Variants in ATRNL1 observed in about 807,000 individuals in gnomAD.
ATRNL1 encodes the protein attractin-like protein 1.
Under a neutral mutation model 182.7 loss-of-function variants are expected in ATRNL1, and 95 were observed. The observed-to-expected ratio is 0.52, with a 90% CI of 0.44 to 0.62. ATRNL1 has a LOEUF of 0.62. Ranked by LOEUF, ATRNL1 falls within the 20% of genes least tolerant of loss-of-function variation. The pLI, the probability that ATRNL1 is intolerant of heterozygous loss-of-function variation, is 0.00. For missense variants in ATRNL1, 1,471 were observed against 1,679.5 expected (o/e 0.88, Z 2.17); for synonymous variants, 576 against 568.3 (o/e 1.01, Z -0.19).
intron 8 of ATRNL1, among the ~76,000 whole-genome samples, chr10:115,189,792 A>G (rs1377326605): frequency 1.3e-5 from 2 of 152,108 alleles, no homozygotes; most frequent in Non-Finnish European, 2.9e-5. Context: ...CAGTGCTTAT[A>G]AATTCTACAG....
intron 5 of ATRNL1, among the ~76,000 whole-genome samples, chr10:115,158,507 G>T (rs1846629367): frequency 1.3e-5 from 2 of 152,012 alleles, no homozygotes; most frequent in South Asian, 4.2e-4. Flanking sequence ...TTCTCACTCA[G>T]AAATAATAGT....
At chr10:115,298,702 C>G (rs897320849) in intron 15 of ATRNL1, among the ~76,000 whole-genome samples, 4 of 151,964 alleles carry the variant, frequency 2.6e-5, no homozygotes, top group Non-Finnish European at 5.9e-5. Flanking sequence ...TAATTAGAAG[C>G]ATTATTTATT....
chr10:115,540,997 A>G (rs1190464604), intron 25 of ATRNL1, among the ~76,000 whole-genome samples: 1 of 152,204 alleles, frequency 6.6e-6, no homozygotes, highest in African/African-American at 2.4e-5. Context: ...TGTAGGAATT[A>G]TTCTTCATAA....
intron 26 of ATRNL1, among the ~76,000 whole-genome samples, chr10:115,597,156 G>A (rs561888755): frequency 8.6e-5 from 13 of 152,016 alleles, no homozygotes; most frequent in Non-Finnish European, 1.9e-4. Context: ...TAAATGTAAG[G>A]TAATAATTTT....
intron 26 of ATRNL1, among the ~76,000 whole-genome samples, chr10:115,582,299 A>G (rs1199793804): frequency 1.4e-5 from 2 of 147,720 alleles, no homozygotes; most frequent in Non-Finnish European, 3.0e-5. Context: ...TTCTAGTTCT[A>G]GATCCCTGAG....
intron 26 of ATRNL1, among the ~76,000 whole-genome samples, chr10:115,641,610 T>A (rs1442452890): frequency 1.3e-5 from 2 of 152,214 alleles, no homozygotes; most frequent in Non-Finnish European, 2.9e-5. Flanking sequence ...GTGATATTAC[T>A]ACTCTACTAA....
chr10:115,456,049 A>T (rs548357721), intron 21 of ATRNL1, among the ~76,000 whole-genome samples: 1 of 152,296 alleles, frequency 6.6e-6, no homozygotes, highest in South Asian at 2.1e-4. Context: ...AGTGTAAATT[A>T]GTTCAACCAT....
intron 8 of ATRNL1, among the ~76,000 whole-genome samples, chr10:115,204,713 T>G (rs1452567255): frequency 6.6e-6 from 1 of 152,160 alleles, no homozygotes; most frequent in Non-Finnish European, 1.5e-5. Flanking sequence ...TATTTTTCCT[T>G]CTATATTTAT....
intron 27 of ATRNL1, among the ~76,000 whole-genome samples, chr10:115,800,694 T>C (rs76211358): frequency 0.05 from 7,630 of 152,160 alleles, 554 homozygotes; most frequent in African/African-American, 0.16. Flanking sequence ...TATTAAGAAG[T>C]GGGGCTTCAG....
intron 19 of ATRNL1, among the ~76,000 whole-genome samples, chr10:115,354,321 G>GATTGATA (rs1182954615): frequency 1.3e-5 from 2 of 151,984 alleles, no homozygotes; most frequent in African/African-American, 4.8e-5. Context: ...TTTACTTTCA[G>GATTGATA]ATTGATAAAA....
intron 15 of ATRNL1, among the ~76,000 whole-genome samples, chr10:115,294,150 T>G (rs1853061466): frequency 2.0e-5 from 3 of 152,222 alleles, no homozygotes; most frequent in South Asian, 4.1e-4. Flanking sequence ...CTCCATATTC[T>G]ATTTTATTTT....
chr10:115,455,031 G>A (rs1554968427), intron 21 of ATRNL1, among the ~76,000 whole-genome samples: 1 of 152,066 alleles, frequency 6.6e-6, no homozygotes, highest in East Asian at 1.9e-4. Flanking sequence ...TTAGCTGTGG[G>A]CTATTCACAT....
At chr10:115,188,414 A>T (rs1848040154) in intron 8 of ATRNL1, among the ~76,000 whole-genome samples, 1 of 152,108 alleles carries the variant, frequency 6.6e-6, no homozygotes, top group South Asian at 2.1e-4. Flanking sequence ...GAGGGGAATT[A>T]TGTGGATGAT....
At chr10:115,266,081 AT>A (rs1335428409) in intron 11 of ATRNL1, among the ~76,000 whole-genome samples, 3 of 151,702 alleles carry the variant, frequency 2.0e-5, no homozygotes, top group African/African-American at 7.2e-5. Context: ...GTTGATTTTT[AT>A]TTTACTTTTT....
intron 24 of ATRNL1, among the ~76,000 whole-genome samples, chr10:115,501,748 A>G (rs1554980148): frequency 6.6e-6 from 1 of 152,204 alleles, no homozygotes; most frequent in African/African-American, 2.4e-5. Flanking sequence ...AAAACAAAAC[A>G]AAGGATTAGC....
chr10:115,620,491 T>C lies in ATRNL1; in HGVS notation c.3795+70955T>C, dbSNP rs555627342. 1.3e-4 allele frequency among the ~76,000 whole-genome samples: 20 copies of C among 152,292 alleles called. 1 individual carries two copies. The highest frequency in any genetic ancestry group is 1.2e-3 in the Admixed American group (19 of 15,280). ...ATATAATTTTATGCCCTTAAACCATTTTAGAGACAAATATAAAACTGTCTG... is the reference window on the plus strand; with the variant it reads ...ATATAATTTTATGCCCTTAAACCATCTTAGAGACAAATATAAAACTGTCTG... On this transcript the variant is annotated intron_variant, in intron 26 of 28. Coordinates refer to ENST00000355044, the MANE Select transcript of ATRNL1 (RefSeq NM_207303.4).
intron 24 of ATRNL1, among the ~76,000 whole-genome samples, chr10:115,494,545 A>G (rs905177977): frequency 1.3e-5 from 2 of 152,186 alleles, no homozygotes; most frequent in Non-Finnish European, 2.9e-5. Context: ...AGGTGTTAAC[A>G]TGAAGGAATG....
At chr10:115,645,475 A>G (rs1478097856) in intron 26 of ATRNL1, among the ~76,000 whole-genome samples, 2 of 147,564 alleles carry the variant, frequency 1.4e-5, no homozygotes, top group African/African-American at 4.9e-5. Context: ...ATATATTTAT[A>G]TATCTATATA....
At chr10:115,194,937 T>G (rs924104416) in intron 8 of ATRNL1, among the ~76,000 whole-genome samples, 2 of 151,908 alleles carry the variant, frequency 1.3e-5, no homozygotes, top group African/African-American at 4.8e-5. Context: ...CAAATTAATT[T>G]TGATTACAAG....
Sources: gnomAD v4.1 joint callset for allele counts (sites outside exome capture counted in the v4.1 genomes callset) on GRCh38, gnomAD v4.1.1 for gene constraint, MANE v1.5 for transcripts, NCBI Gene and HGNC (gene_info 2026-07-23, HGNC 2026-07-21) for gene names.